The following DYM variants were observed in gnomAD, a reference collection of about 807,000 sequenced individuals.
DYM encodes the protein dymeclin.
DYM carries 78 observed loss-of-function variants against 93.1 expected under a neutral mutation model. The observed-to-expected ratio is 0.84, with a 90% CI of 0.70 to 1.01. The LOEUF (loss-of-function observed/expected upper bound fraction) is 1.01, where lower values mean the gene tolerates loss of function less well. DYM is among the 50% of genes least tolerant of loss of function. The pLI is 0.00. For synonymous variants in DYM, 321 were observed against 319.7 expected (o/e 1.00, Z -0.04); for missense variants, 789 against 845.0 (o/e 0.93, Z 0.82).
chr18:49,237,120 A>T (rs111227652), intron 13 of DYM, among the ~76,000 whole-genome samples: 1,632 of 152,156 alleles, frequency 0.011, 28 homozygotes, highest in African/African-American at 0.038. Context: ...GACAAGTACT[A>T]AAGGACTGTA....
intron 1 of DYM, among the ~76,000 whole-genome samples, chr18:49,458,889 G>A (rs2148771567): frequency 6.6e-6 from 1 of 152,224 alleles, no homozygotes; most frequent in East Asian, 1.9e-4. Context: ...GATATATATT[G>A]AAATATTTAC....
In DYM at chr18:49,365,735, A is replaced by G. The variant is rs1371161210; in HGVS notation, c.422-2502T>C. The stretch of plus-strand genomic sequence containing the variant: ...CCCTGTTCAGCCAAGCAGCCAGCAC[A>G]GTTTTTTAATTACGGAAGGTGAGAG... On this transcript the variant is annotated intron_variant, in intron 5 of 17. Transcript: ENST00000675505. Among the ~76,000 whole-genome samples, 5 of 152,208 alleles carry G rather than the reference A, an allele frequency of 3.3e-5. No individual in the cohort carries two copies. The East Asian group carries it at 9.6e-4, about 29-fold the overall frequency.
chr18:49,289,680 C>T (rs2145894717), intron 8 of DYM, among the ~76,000 whole-genome samples: 1 of 142,156 alleles, frequency 7.0e-6, no homozygotes, highest in Admixed American at 7.3e-5. Context: ...CACTGCACTC[C>T]AACCCAGGCA....
intron 6 of DYM, among the ~76,000 whole-genome samples, chr18:49,350,287 T>C (rs943720833): frequency 2.0e-5 from 3 of 152,200 alleles, no homozygotes; most frequent in Admixed American, 6.5e-5. Context: ...TTATGATATA[T>C]TCAGACAATC....
At chr18:49,271,945 TGTATCAATTACCAAA>T (rs2094710285) in intron 11 of DYM, among the ~76,000 whole-genome samples, 1 of 151,010 alleles carries the variant, frequency 6.6e-6, no homozygotes, top group Non-Finnish European at 1.5e-5. Flanking sequence ...CAAAAGCATT[TGTATCAATTACCAAA>T]GAACCATTTT....
At chr18:49,451,158 A>G (rs1269637676) in intron 1 of DYM, among the ~76,000 whole-genome samples, 1 of 152,202 alleles carries the variant, frequency 6.6e-6, no homozygotes, top group Non-Finnish European at 1.5e-5. Flanking sequence ...GCCTTTAATA[A>G]TTGAGTAAGG....
chr18:49,268,160 T>C (rs914156176), intron 11 of DYM, among the ~76,000 whole-genome samples: 7 of 152,104 alleles, frequency 4.6e-5, no homozygotes, highest in African/African-American at 1.7e-4. Context: ...GAAATGCAAA[T>C]TCAAATCAAA....
intron 3 of DYM, among the ~76,000 whole-genome samples, chr18:49,391,201 T>C (rs1003326662): frequency 6.6e-6 from 1 of 152,256 alleles, no homozygotes; most frequent in African/African-American, 2.4e-5. Context: ...CTGGATTCCA[T>C]GCTCTTTGCC....
chr18:49,278,547 A>G (rs79408220), intron 10 of DYM, among the ~76,000 whole-genome samples: 12,299 of 152,174 alleles, frequency 0.081, 781 homozygotes, highest in East Asian at 0.31. Context: ...GTGGCTTAGC[A>G]TTAAGTGTGC....
intron 14 of DYM, among the ~76,000 whole-genome samples, chr18:49,168,275 G>T (rs1300918343): frequency 1.3e-5 from 2 of 152,006 alleles, no homozygotes; most frequent in Non-Finnish European, 2.9e-5. Flanking sequence ...ATGTTCTTAG[G>T]TAACACTGGA....
intron 5 of DYM, among the ~76,000 whole-genome samples, chr18:49,365,235 C>T (rs1490206238): frequency 1.3e-5 from 2 of 152,126 alleles, no homozygotes; most frequent in Non-Finnish European, 2.9e-5. Context: ...AAATTTCATC[C>T]TGCTTTGCCA....
At chr18:49,294,944 T>C (rs1221646376) in intron 8 of DYM, among the ~76,000 whole-genome samples, 2 of 152,218 alleles carry the variant, frequency 1.3e-5, no homozygotes, top group African/African-American at 4.8e-5. Context: ...ATAAAAATTC[T>C]GCTAGAGATG....
At chr18:49,096,611 G>A (rs1005754882) in intron 17 of DYM, among the ~76,000 whole-genome samples, 23 of 152,306 alleles carry the variant, frequency 1.5e-4, no homozygotes, top group South Asian at 1.0e-3. Flanking sequence ...AAGCTGCAAT[G>A]CTGTACATTC....
intron 9 of DYM, among the ~76,000 whole-genome samples, chr18:49,284,409 C>T (rs2095070248): frequency 6.6e-6 from 1 of 152,190 alleles, no homozygotes. Flanking sequence ...CATTGTACTA[C>T]ATGGTCTCCC....
chr18:49,111,818 C>T (rs969842449), intron 16 of DYM, among the ~76,000 whole-genome samples: 3 of 152,140 alleles, frequency 2.0e-5, no homozygotes, highest in East Asian at 1.9e-4. Context: ...GGATTCTCTA[C>T]GTGCTGTCCT....
At position 49,050,307 on chromosome 18, in the gene DYM, T is replaced by A. The variant is rs184336220; in HGVS notation, c.2026-6103A>T. On this transcript the variant is annotated intron_variant, in intron 17 of 17. Transcript: ENST00000675505. ...GGTTTCTCCATGTTGGTCAGGATGG[T>A]CTTGAACTCCCGACCTCAGGTGATC... 8.3e-4 allele frequency among the ~76,000 whole-genome samples: 126 copies of A among 151,744 alleles called. 2 individuals carry two copies. The East Asian group carries it at 0.021, about 25-fold the overall frequency.
chr18:49,417,158 T>C (rs931604613), intron 2 of DYM, among the ~76,000 whole-genome samples: 4 of 152,132 alleles, frequency 2.6e-5, no homozygotes, highest in African/African-American at 9.7e-5. Flanking sequence ...TTGGTGGTGG[T>C]GTTGTTTGAG....
At chr18:49,148,108 C>A (rs2085368361) in intron 15 of DYM, among the ~76,000 whole-genome samples, 3 of 152,094 alleles carry the variant, frequency 2.0e-5, no homozygotes, top group Non-Finnish European at 4.4e-5. Context: ...AAACCAAACA[C>A]CGCATGTTCT....
At chr18:49,307,291 A>G (rs1413031245) in intron 8 of DYM, among the ~76,000 whole-genome samples, 3 of 152,004 alleles carry the variant, frequency 2.0e-5, no homozygotes, top group Admixed American at 2.0e-4. Context: ...AAAAGCCAGG[A>G]TCCTTTTCTT....
Sources: allele counts gnomAD v4.1 joint callset (sites outside exome capture counted in the v4.1 genomes callset), GRCh38; gene constraint gnomAD v4.1.1; transcripts MANE v1.5; gene names NCBI Gene and HGNC (gene_info 2026-07-23, HGNC 2026-07-21).